SFMBT1: variants seen among roughly 807,000 people sequenced by gnomAD.
The protein encoded by SFMBT1 is scm-like with four MBT domains protein 1.
SFMBT1 carries 32 observed loss-of-function variants against 108.7 expected under a neutral mutation model. That is an observed-to-expected ratio of 0.29 (90% CI 0.22 to 0.40). The LOEUF (loss-of-function observed/expected upper bound fraction) is 0.40, where lower values mean the gene tolerates loss of function less well. Among genes scored for constraint, SFMBT1 ranks in the 10% least tolerant of loss-of-function variants. SFMBT1 has a pLI of 1.00. For missense variants in SFMBT1, 816 were observed against 1,059.6 expected (o/e 0.77, Z 3.19); for synonymous variants, 348 against 369.5 (o/e 0.94, Z 0.67).
At chr3:52,924,459 T>C (rs1020075855) in intron 10 of SFMBT1, among the ~76,000 whole-genome samples, 1 of 152,014 alleles carries the variant, frequency 6.6e-6, no homozygotes, top group African/African-American at 2.4e-5. Flanking sequence ...CTGGCCAACA[T>C]GGTGAAACCC....
At chr3:52,909,819 C>T (rs1256638136) in intron 17 of SFMBT1, among the ~76,000 whole-genome samples, 2 of 152,134 alleles carry the variant, frequency 1.3e-5, no homozygotes, top group Non-Finnish European at 2.9e-5. Flanking sequence ...TCCTATGTGA[C>T]CCCTGCCCCA....
intron 10 of SFMBT1, among the ~76,000 whole-genome samples, chr3:52,925,771 A>T (rs1279741497): frequency 2.0e-5 from 3 of 152,260 alleles, no homozygotes; most frequent in Non-Finnish European, 4.4e-5. Context: ...CATGAAAAAT[A>T]ATCATAAAAT....
rs1698619555 is a variant in SFMBT1 at position 53,003,167 on chromosome 3, C to G, written c.-130-33909G>C. ...AAAAGATGGTGTTTAAATTTTTATT[C>G]CAGGAACAGGGTTATTCTTTTTATA... On this transcript the variant is annotated intron_variant, in intron 1 of 20. Transcript: ENST00000394752. 2.8e-5 allele frequency among the ~76,000 whole-genome samples: 4 copies of G among 145,142 alleles called. No individual in the cohort carries two copies. The Admixed American group carries it at 2.8e-4, about 10-fold the overall frequency.
chr3:52,927,979 CTCTT>C (rs754930503), intron 9 of SFMBT1, among the ~76,000 whole-genome samples: 1 of 152,194 alleles, frequency 6.6e-6, no homozygotes, highest in Non-Finnish European at 1.5e-5. Flanking sequence ...AGAACGCACT[CTCTT>C]TAACAGTTTT....
intron 3 of SFMBT1, among the ~76,000 whole-genome samples, chr3:52,947,445 G>A (rs950915801): frequency 6.6e-6 from 1 of 152,048 alleles, no homozygotes; most frequent in Non-Finnish European, 1.5e-5. Context: ...CATTTTGGAA[G>A]GTGTGTCATG....
intron 1 of SFMBT1, among the ~76,000 whole-genome samples, chr3:53,026,456 A>T (rs886235633): frequency 6.6e-6 from 1 of 152,238 alleles, no homozygotes; most frequent in Non-Finnish European, 1.5e-5. Flanking sequence ...TGAGGACAGT[A>T]AGTCTTCCTT....
At position 52,921,721 on chromosome 3, in the gene SFMBT1, C is replaced by T. The variant is rs1469602921; in HGVS notation, c.1242G>A (p.Leu414=). Residue 414 remains leucine (L), a synonymous_variant, in exon 11 of 21, where the codon CTG becomes CTA. Transcript: ENST00000394752. ...ATITAVRGSY[L]WLQLEGSKKP... is the part of the protein sequence containing the mutation. ...GGCACTCACCCTCCAGCTGGAGCCA[C>T]AGGTAGGAGCCTCTCACTGCAGTGA... 6.2e-7 allele frequency: 1 copy of T among 1,613,958 alleles called. No homozygotes were observed. Among genetic ancestry groups the T allele is most frequent in the Non-Finnish European group, 8.5e-7 (1 of 1,179,992 alleles).
At position 52,926,014 on chromosome 3, in the gene SFMBT1, G is replaced by T. The variant is rs997163535; in HGVS notation, c.1131+17C>A. The T allele has an allele frequency of 6.2e-7, 1 of 1,605,356 alleles. No individual in the cohort carries two copies. Among genetic ancestry groups the T allele is most frequent in the South Asian group, 1.1e-5 (1 of 90,028 alleles). On this transcript the variant is annotated intron_variant, in intron 10 of 20. Transcript: ENST00000394752. ...GCAGCCCTGCCATAGTGGCCATGAG[G>T]CCGTGGGGGTCCTCACCGGAGGGAA...
At chr3:53,012,029 T>C (rs909791533) in intron 1 of SFMBT1, among the ~76,000 whole-genome samples, 2 of 152,186 alleles carry the variant, frequency 1.3e-5, no homozygotes, top group African/African-American at 4.8e-5. Context: ...TAAGTATCTA[T>C]GTGCCAGCCA....
intron 1 of SFMBT1, among the ~76,000 whole-genome samples, chr3:52,981,529 A>AT (rs34406724): frequency 0.032 from 4,234 of 132,964 alleles, 98 homozygotes; most frequent in Non-Finnish European, 0.047. Context: ...TGCTCAGCTA[A>AT]TTTTTTTTTT....
chr3:52,947,397 G>A (rs188432043), intron 3 of SFMBT1, among the ~76,000 whole-genome samples: 209 of 152,304 alleles, frequency 1.4e-3, no homozygotes, highest in African/African-American at 4.7e-3. Context: ...GATTACAGGC[G>A]TGAGCCACCG....
chr3:52,959,935 G>A (rs1486247522), intron 2 of SFMBT1, among the ~76,000 whole-genome samples: 1 of 151,918 alleles, frequency 6.6e-6, no homozygotes, highest in Non-Finnish European at 1.5e-5. Context: ...ATAAACTGCT[G>A]AATGAGTACA....
chr3:52,945,136 T>TAAAAAAAAAAAAAAAAAA lies in SFMBT1; in HGVS notation c.124-1544_124-1543insTTTTTTTTTTTTTTTTTT, dbSNP rs367727549. Among the ~76,000 whole-genome samples the TAAAAAAAAAAAAAAAAAA allele has an allele frequency of 1.6e-3, 76 of 48,488 alleles. 8 individuals carry two copies. The highest frequency in any genetic ancestry group is 5.6e-3 in the East Asian group (8 of 1,436). The allele number at this position is 48,488 out of a possible 152,430, so 31.8% of individuals were successfully genotyped here. A position where few individuals can be genotyped will look rare whatever the true frequency, so the allele number is the denominator to read the frequency against. On this transcript the variant is annotated intron_variant, in intron 3 of 20. Transcript: ENST00000394752. ...TGATTTCCAAATACCACCTTCCAAT[T>TAAAAAAAAAAAAAAAAAA]AAAAAAAAAAAAAAACAAGGACTTC...
At chr3:53,033,834 C>T (rs1699769958) in intron 1 of SFMBT1, among the ~76,000 whole-genome samples, 1 of 151,436 alleles carries the variant, frequency 6.6e-6, no homozygotes, top group Admixed American at 6.6e-5. Context: ...GTTTGAGAGG[C>T]CAAGGCAGGC....
intron 13 of SFMBT1, among the ~76,000 whole-genome samples, chr3:52,917,554 G>T (rs1184979470): frequency 1.3e-5 from 2 of 152,150 alleles, no homozygotes; most frequent in Non-Finnish European, 2.9e-5. Context: ...AATTTCTGTG[G>T]TTTAAAGCAG....
chr3:52,983,090 G>A (rs1228113675), intron 1 of SFMBT1, among the ~76,000 whole-genome samples: 6 of 152,062 alleles, frequency 3.9e-5, no homozygotes, highest in African/African-American at 1.2e-4. Context: ...GTTACACCAC[G>A]TGTACCTGCC....
At chr3:52,970,800 G>T (rs1320593226) in intron 1 of SFMBT1, among the ~76,000 whole-genome samples, 1 of 152,148 alleles carries the variant, frequency 6.6e-6, no homozygotes, top group African/African-American at 2.4e-5. Context: ...TACCACTTTT[G>T]CCTGAAAAGG....
intron 2 of SFMBT1, among the ~76,000 whole-genome samples, chr3:52,962,580 TG>T (rs1479785217): frequency 6.6e-6 from 1 of 151,876 alleles, no homozygotes; most frequent in African/African-American, 2.4e-5. Context: ...CCGAGGTGGG[TG>T]GATCACATGA....
intron 3 of SFMBT1, among the ~76,000 whole-genome samples, chr3:52,945,348 G>A (rs1703331572): frequency 6.6e-6 from 1 of 151,648 alleles, no homozygotes; most frequent in South Asian, 2.1e-4. Flanking sequence ...TAAATAGTGA[G>A]AGTAATGCAT....
Sources: allele counts gnomAD v4.1 joint callset (sites outside exome capture counted in the v4.1 genomes callset), GRCh38; gene constraint gnomAD v4.1.1; transcripts MANE v1.5; gene names NCBI Gene and HGNC (gene_info 2026-07-23, HGNC 2026-07-21).